The following ACTR3B variants were observed in gnomAD, a reference collection of about 807,000 sequenced individuals.
The protein encoded by ACTR3B is actin related protein 3B.
In ACTR3B, 8 loss-of-function variants were observed where a neutral mutation model predicts 59.0. That is an observed-to-expected ratio of 0.14 (90% CI 0.08 to 0.24). The LOEUF (loss-of-function observed/expected upper bound fraction) is 0.24. Among genes scored for constraint, ACTR3B ranks in the 10% least tolerant of loss-of-function variants. The probability of loss-of-function intolerance (pLI) is 1.00; values close to 1 mark genes in which losing one functional copy is unlikely to be tolerated. For synonymous variants in ACTR3B, 148 were observed against 197.9 expected (o/e 0.75, Z 2.12); for missense variants, 245 against 552.3 (o/e 0.44, Z 5.58).
chr7:152,797,161 T>C (rs2098220361), intron 2 of ACTR3B, among the ~76,000 whole-genome samples: 1 of 152,166 alleles, frequency 6.6e-6, no homozygotes, highest in Non-Finnish European at 1.5e-5. Context: ...GGGGCTATCA[T>C]AGCTCATTGC....
intron 1 of ACTR3B, among the ~76,000 whole-genome samples, chr7:152,770,031 G>T (rs1346209477): frequency 2.0e-5 from 3 of 152,030 alleles, no homozygotes; most frequent in Non-Finnish European, 2.9e-5. Context: ...TGCCATAAAA[G>T]CTTCATTTAG....
chr7:152,832,505 C>G (rs1797109143), intron 9 of ACTR3B, among the ~76,000 whole-genome samples: 1 of 152,142 alleles, frequency 6.6e-6, no homozygotes, highest in Non-Finnish European at 1.5e-5. Context: ...GATTGTTAGT[C>G]AGGGCTCTTT....
intron 5 of ACTR3B, among the ~76,000 whole-genome samples, chr7:152,814,871 G>T (rs2689616): frequency 2.0e-5 from 3 of 151,390 alleles, no homozygotes; most frequent in Non-Finnish European, 4.4e-5. Flanking sequence ...CTCTTTTTAC[G>T]TGCATTAAAG....
At position 152,804,882 on chromosome 7, in the gene ACTR3B, C is replaced by T. The variant is rs185477560; in HGVS notation, c.336+3151C>T. ...AGTCCCAGTATGTTGAAGCTGAGAC[C>T]GCCTGAGAACAATCAAACTCCCAGA... On this transcript the variant is annotated intron_variant, in intron 4 of 11. Transcript: ENST00000256001. Among the ~76,000 whole-genome samples, 597 of 152,086 alleles carry T rather than the reference C, an allele frequency of 3.9e-3. 8 individuals are homozygous for T. Among genetic ancestry groups the T allele is most frequent in the African/African-American group, 0.013 (554 of 41,494 alleles).
chr7:152,779,059 G>A (rs2098143633), intron 1 of ACTR3B, among the ~76,000 whole-genome samples: 1 of 150,104 alleles, frequency 6.7e-6, no homozygotes, highest in South Asian at 2.1e-4. Flanking sequence ...CGTGCTAAAT[G>A]TGGTGGGTGG....
intron 1 of ACTR3B, among the ~76,000 whole-genome samples, chr7:152,763,802 C>G (rs1172543835): frequency 2.0e-5 from 3 of 152,126 alleles, no homozygotes; most frequent in Non-Finnish European, 4.4e-5. Flanking sequence ...TATTCTGTCT[C>G]CATTTATTAG....
At chr7:152,835,364 C>T (rs1409574607) in intron 9 of ACTR3B, among the ~76,000 whole-genome samples, 2 of 152,158 alleles carry the variant, frequency 1.3e-5, no homozygotes, top group Non-Finnish European at 2.9e-5. Context: ...TTTGTGGGTT[C>T]AGTTTCGGAC....
Position 152,853,596 on chromosome 7 carries a change from G to T in ACTR3B, c.1161+19G>T, listed in dbSNP as rs1026670191. The T allele has an allele frequency of 2.5e-6, 4 of 1,605,460 alleles. No individual in the cohort carries two copies. The highest frequency in any genetic ancestry group is 2.6e-6 in the Non-Finnish European group (3 of 1,174,532). On this transcript the variant is annotated intron_variant, in intron 11 of 11. Transcript: ENST00000256001. ...CTCGACTGTAAGTCCCTCTCTCGAG[G>T]GCTCTGTGTCTCCATTCCTGTGCTC...
At position 152,759,817 on chromosome 7, in the gene ACTR3B, G is replaced by T; in HGVS notation, c.-66G>T. ...GACGCTGCGCGCGGGGCTAGCGGGC[G>T]GCGGAGCGGACGGCGACGGGGCGCT... On this transcript the variant is annotated 5_prime_UTR_variant, in exon 1 of 12. Coordinates refer to ENST00000256001, the MANE Select transcript of ACTR3B (RefSeq NM_020445.6). 1 of 1,155,836 alleles carries T rather than the reference G, an allele frequency of 8.7e-7. No homozygotes were observed. The highest frequency in any genetic ancestry group is 1.1e-6 in the Non-Finnish European group (1 of 932,534). The allele number at this position is 1,155,836 out of a possible 1,614,324, so 71.6% of individuals were successfully genotyped here. A position where few individuals can be genotyped will look rare whatever the true frequency, so the allele number is the denominator to read the frequency against.
intron 2 of ACTR3B, among the ~76,000 whole-genome samples, chr7:152,791,492 G>A (rs2098196040): frequency 6.6e-6 from 1 of 152,194 alleles, no homozygotes; most frequent in Admixed American, 6.5e-5. Context: ...TTCCTATTTT[G>A]CCCCCAAAGG....
chr7:152,797,654 A>G (rs2098221972), intron 2 of ACTR3B, among the ~76,000 whole-genome samples: 1 of 152,028 alleles, frequency 6.6e-6, no homozygotes, highest in South Asian at 2.1e-4. Context: ...GTAGTTACGT[A>G]TTTTTTGACC....
At chr7:152,815,400 C>G (rs1245540782) in intron 5 of ACTR3B, among the ~76,000 whole-genome samples, 1 of 152,204 alleles carries the variant, frequency 6.6e-6, no homozygotes, top group African/African-American at 2.4e-5. Flanking sequence ...CAGATCTTCC[C>G]CCGGCTAAGT....
intron 9 of ACTR3B, among the ~76,000 whole-genome samples, chr7:152,840,673 G>C (rs1281880104): frequency 8.5e-6 from 1 of 117,876 alleles, no homozygotes; most frequent in African/African-American, 3.2e-5. Flanking sequence ...CATAGAGCCT[G>C]TCACTTAACA....
Position 152,759,938 on chromosome 7 carries a change from T to C in ACTR3B, c.44+12T>C. On this transcript the variant is annotated intron_variant, in intron 1 of 11. Transcript: ENST00000256001. ...GACTGTGGCACCGGGTAAGAGCAGC[T>C]CGGCGCCCACCCCCGCTCCTCCGCG... 7.3e-7 allele frequency: 1 copy of C among 1,373,558 alleles called. No individual in the cohort carries two copies. Among genetic ancestry groups the C allele is most frequent in the Non-Finnish European group, 9.5e-7 (1 of 1,053,938 alleles). The allele number at this position is 1,373,558 out of a possible 1,614,324, so 85.1% of individuals were successfully genotyped here.
chr7:152,765,728 A>G (rs2098107732), intron 1 of ACTR3B, among the ~76,000 whole-genome samples: 1 of 152,086 alleles, frequency 6.6e-6, no homozygotes, highest in Admixed American at 6.5e-5. Context: ...GGAGGCATCC[A>G]GGGCATACCT....
chr7:152,762,775 T>G (rs1163849545), intron 1 of ACTR3B, among the ~76,000 whole-genome samples: 2 of 152,200 alleles, frequency 1.3e-5, no homozygotes, highest in Non-Finnish European at 2.9e-5. Context: ...CTTAACCTTT[T>G]TTTGTCTTTC....
chr7:152,817,943 C>T (rs1479864824), intron 6 of ACTR3B, among the ~76,000 whole-genome samples: 18 of 152,188 alleles, frequency 1.2e-4, no homozygotes, highest in African/African-American at 3.9e-4. Context: ...GCCAGCCTCC[C>T]GCCCCCATAC....
At chr7:152,807,255 T>C (rs2098255176) in intron 4 of ACTR3B, among the ~76,000 whole-genome samples, 1 of 152,210 alleles carries the variant, frequency 6.6e-6, no homozygotes, top group African/African-American at 2.4e-5. Flanking sequence ...CTTTTTATAG[T>C]CTTATCACAT....
chr7:152,768,935 C>T (rs1301609097), intron 1 of ACTR3B, among the ~76,000 whole-genome samples: 1 of 152,010 alleles, frequency 6.6e-6, no homozygotes, highest in East Asian at 1.9e-4. Flanking sequence ...CTCACTGCAA[C>T]CTCCACCTCC....
Sources: allele counts gnomAD v4.1 joint callset (sites outside exome capture counted in the v4.1 genomes callset), GRCh38; gene constraint gnomAD v4.1.1; transcripts MANE v1.5; gene names NCBI Gene and HGNC (gene_info 2026-07-23, HGNC 2026-07-21).